The following PLCL1 variants were observed in gnomAD, a reference collection of about 807,000 sequenced individuals.
PLCL1 encodes inactive phospholipase C-like protein 1.
A neutral mutation model predicts 84.4 loss-of-function variants in PLCL1; 41 were observed. That is an observed-to-expected ratio of 0.49 (90% CI 0.38 to 0.63). PLCL1 has a LOEUF of 0.63. Among genes scored for constraint, PLCL1 ranks in the 30% least tolerant of loss-of-function variants. The pLI is 0.00. For missense variants in PLCL1, 1,206 were observed against 1,367.8 expected (o/e 0.88, Z 1.87); for synonymous variants, 490 against 488.3 (o/e 1.00, Z -0.05).
At chr2:197,963,924 T>A (rs1020555908) in intron 1 of PLCL1, among the ~76,000 whole-genome samples, 2 of 152,092 alleles carry the variant, frequency 1.3e-5, no homozygotes, top group African/African-American at 4.8e-5. Context: ...GTTTCTGGGT[T>A]CTCTATTCTG....
chr2:197,987,555 A>T (rs1431429404), intron 1 of PLCL1, among the ~76,000 whole-genome samples: 1 of 152,198 alleles, frequency 6.6e-6, no homozygotes, highest in East Asian at 1.9e-4. Flanking sequence ...CTAGACTAGG[A>T]TACTCATTTT....
In PLCL1 at chr2:197,891,574, A is replaced by ATT. The variant is rs773415674; in HGVS notation, c.240+86250_240+86251dup. 2.5e-3 allele frequency among the ~76,000 whole-genome samples: 358 copies of ATT among 141,802 alleles called. 2 individuals are homozygous for ATT. Among genetic ancestry groups the ATT allele is most frequent in the African/African-American group, 7.5e-3 (288 of 38,494 alleles). The allele number at this position is 141,802 out of a possible 152,430, so 93.0% of individuals were successfully genotyped here. On this transcript the variant is annotated intron_variant, in intron 1 of 5. Transcript: ENST00000428675. ...TTGACTGTCATACTGAGGGCTTTAG[A>ATT]TTTTTTTTTTTTTTTTGATAGGTGA... is the stretch of plus-strand genomic sequence containing the variant.
chr2:197,904,038 G>C (rs1461346610), intron 1 of PLCL1, among the ~76,000 whole-genome samples: 1 of 144,826 alleles, frequency 6.9e-6, no homozygotes, highest in Admixed American at 6.9e-5. Context: ...CCTGGCCTTA[G>C]GCGATCTGCC....
At chr2:198,032,810 T>C (rs1691458943) in intron 1 of PLCL1, among the ~76,000 whole-genome samples, 4 of 152,202 alleles carry the variant, frequency 2.6e-5, no homozygotes. Context: ...TATTACTTGT[T>C]ATCTTAATTA....
chr2:197,967,225 C>T lies in PLCL1; in HGVS notation c.241-116533C>T, dbSNP rs1245716361. ...TTATTTATTTTTTTTGGAATGGAGT[C>T]TTGCTCTGTCTTCCAGGCTGAAGTG... On this transcript the variant is annotated intron_variant, in intron 1 of 5. Transcript: ENST00000428675. 2.0e-5 allele frequency among the ~76,000 whole-genome samples: 3 copies of T among 152,088 alleles called. No individual in the cohort carries two copies. The East Asian group carries it at 5.8e-4, about 29-fold the overall frequency.
At chr2:198,025,565 G>T (rs1314382024) in intron 1 of PLCL1, among the ~76,000 whole-genome samples, 1 of 152,136 alleles carries the variant, frequency 6.6e-6, no homozygotes, top group East Asian at 1.9e-4. Flanking sequence ...TAATCTGAAT[G>T]TCTGTCCATT....
intron 1 of PLCL1, among the ~76,000 whole-genome samples, chr2:197,958,244 G>C (rs1689530719): frequency 6.7e-6 from 1 of 150,276 alleles, no homozygotes; most frequent in Admixed American, 6.6e-5. Flanking sequence ...TTTTGTACCA[G>C]GTCACCAAGT....
At chr2:198,045,808 T>C (rs114061199) in intron 1 of PLCL1, among the ~76,000 whole-genome samples, 2,753 of 152,330 alleles carry the variant, frequency 0.018, 72 homozygotes, top group African/African-American at 0.06. Context: ...AATAATAGCA[T>C]ACAATTGCCT....
chr2:197,811,237 TAAC>T (rs944901681), intron 1 of PLCL1, among the ~76,000 whole-genome samples: 2 of 152,246 alleles, frequency 1.3e-5, no homozygotes, highest in African/African-American at 2.4e-5. Flanking sequence ...CCAACTTCTG[TAAC>T]AACAACATTC....
At chr2:198,136,920 T>A (rs561288494) in intron 5 of PLCL1, among the ~76,000 whole-genome samples, 1 of 152,302 alleles carries the variant, frequency 6.6e-6, no homozygotes, top group South Asian at 2.1e-4. Context: ...AGATTAAAAT[T>A]ATTAAATGCT....
intron 1 of PLCL1, among the ~76,000 whole-genome samples, chr2:197,987,419 G>A (rs1690240455): frequency 6.6e-6 from 1 of 152,166 alleles, no homozygotes; most frequent in African/African-American, 2.4e-5. Context: ...TCCTTTGGAG[G>A]GGGCATTTGC....
intron 1 of PLCL1, among the ~76,000 whole-genome samples, chr2:198,011,801 T>C (rs1360323027): frequency 3.3e-5 from 5 of 152,122 alleles, no homozygotes; most frequent in African/African-American, 2.4e-5. Flanking sequence ...TAAGTACATA[T>C]CTGTTTTTTT....
chr2:197,815,843 G>T (rs180691768), intron 1 of PLCL1, among the ~76,000 whole-genome samples: 1 of 152,200 alleles, frequency 6.6e-6, no homozygotes, highest in East Asian at 1.9e-4. Context: ...TGACTGAATT[G>T]CTTCCATTTC....
In PLCL1 at chr2:198,086,213, A is replaced by T. The variant is rs746317818; in HGVS notation, c.2696A>T (p.Asp899Val). 2.0e-5 allele frequency: 32 copies of T among 1,608,554 alleles called. No homozygotes were observed. Among genetic ancestry groups the T allele is most frequent in the Non-Finnish European group, 2.6e-5 (31 of 1,176,496 alleles). The change falls in exon 2 of 6, where the codon GAT (aspartate) becomes GTT (valine). Residue 899 changes from aspartate to valine, a missense_variant. Coordinates refer to ENST00000428675, the MANE Select transcript of PLCL1 (RefSeq NM_006226.4). ...GTTCATCCATTACGAGAAGCCATAG[A>T]TATGAGAGAAAATATGCAGGTAGGA... is the stretch of plus-strand genomic sequence containing the variant. The part of the protein sequence containing the change: ...IAVHPLREAI[D>V]MRENMQNAIV...
chr2:198,104,712 G>A (rs1693430106), intron 5 of PLCL1, among the ~76,000 whole-genome samples: 1 of 151,842 alleles, frequency 6.6e-6, no homozygotes, highest in Non-Finnish European at 1.5e-5. Context: ...GTTATTTTCT[G>A]ACTTTTAGCT....
At chr2:197,992,224 C>T (rs1309910215) in intron 1 of PLCL1, among the ~76,000 whole-genome samples, 1 of 151,966 alleles carries the variant, frequency 6.6e-6, no homozygotes, top group African/African-American at 2.4e-5. Flanking sequence ...AAAACTGTGG[C>T]AAAATATATA....
intron 1 of PLCL1, among the ~76,000 whole-genome samples, chr2:197,944,117 G>C (rs1689222911): frequency 6.6e-6 from 1 of 152,116 alleles, no homozygotes. Flanking sequence ...TGCGTATCTG[G>C]GTAGATAGCT....
intron 1 of PLCL1, among the ~76,000 whole-genome samples, chr2:198,003,758 G>A (rs753423232): frequency 3.9e-5 from 6 of 152,290 alleles, no homozygotes; most frequent in Middle Eastern, 3.4e-3. Context: ...ACTTCTCACT[G>A]TACATTCTCT....
intron 1 of PLCL1, among the ~76,000 whole-genome samples, chr2:197,979,598 G>C (rs1022633596): frequency 3.3e-5 from 5 of 152,148 alleles, no homozygotes; most frequent in Non-Finnish European, 7.3e-5. Context: ...ATTTCCTATT[G>C]CTTCCAGAAT....
Sources: gnomAD v4.1 joint callset for allele counts (sites outside exome capture counted in the v4.1 genomes callset) on GRCh38, gnomAD v4.1.1 for gene constraint, MANE v1.5 for transcripts, NCBI Gene and HGNC (gene_info 2026-07-23, HGNC 2026-07-21) for gene names.